ENOX1: variants seen among roughly 807,000 people sequenced by gnomAD.
ENOX1 encodes candidate growth-related and time keeping constitutive hydroquinone (NADH) oxidase.
Under a neutral mutation model 82.5 loss-of-function variants are expected in ENOX1, and 42 were observed. The ratio of observed to expected loss-of-function variants is 0.51; its 90% CI spans 0.40 to 0.66. The LOEUF is 0.66. Ranked by LOEUF, ENOX1 falls within the 30% of genes least tolerant of loss-of-function variation. The pLI, the probability that ENOX1 is intolerant of heterozygous loss-of-function variation, is 0.00. For missense variants in ENOX1, 608 were observed against 811.6 expected (o/e 0.75, Z 3.05); for synonymous variants, 271 against 282.2 (o/e 0.96, Z 0.40).
At chr13:43,385,089 G>C (rs1165924474) in intron 5 of ENOX1, among the ~76,000 whole-genome samples, 1 of 152,094 alleles carries the variant, frequency 6.6e-6, no homozygotes, top group Non-Finnish European at 1.5e-5. Context: ...CCCGCTTTCT[G>C]GATGGCAGGG....
At chr13:43,719,346 CA>C (rs1157065648) in intron 1 of ENOX1, among the ~76,000 whole-genome samples, 1 of 149,982 alleles carries the variant, frequency 6.7e-6, no homozygotes, top group East Asian at 2.0e-4. Context: ...CACACACACA[CA>C]CCAGCAATCG....
chr13:43,738,371 A>G (rs1177809347), intron 1 of ENOX1, among the ~76,000 whole-genome samples: 1 of 152,220 alleles, frequency 6.6e-6, no homozygotes, highest in East Asian at 1.9e-4. Flanking sequence ...AACATATTAT[A>G]TTGAAAACAT....
At chr13:43,416,224 T>C (rs1453163194) in intron 3 of ENOX1, among the ~76,000 whole-genome samples, 72 of 77,694 alleles carry the variant, frequency 9.3e-4, no homozygotes, top group South Asian at 2.4e-3. Context: ...GAGGCGCTCC[T>C]CACTTCCCAG....
chr13:43,771,487 CTTAA>C (rs968163118), intron 1 of ENOX1, among the ~76,000 whole-genome samples: 46 of 152,112 alleles, frequency 3.0e-4, no homozygotes, highest in African/African-American at 9.4e-4. Flanking sequence ...ACAATTATAA[CTTAA>C]TTAATTAAGT....
chr13:43,781,714 T>C (rs1952275285), intron 1 of ENOX1, among the ~76,000 whole-genome samples: 1 of 152,200 alleles, frequency 6.6e-6, no homozygotes, highest in Non-Finnish European at 1.5e-5. Context: ...TTTCTCCATG[T>C]TGGTCAGGCT....
intron 1 of ENOX1, among the ~76,000 whole-genome samples, chr13:43,720,674 G>T (rs1179234709): frequency 1.3e-5 from 2 of 152,090 alleles, no homozygotes; most frequent in East Asian, 3.9e-4. Flanking sequence ...AAGCCTGATG[G>T]GACACTAGAG....
At position 43,517,733 on chromosome 13, in the gene ENOX1, C is replaced by G. The variant is rs892104064; in HGVS notation, c.-218-33581G>C. On this transcript the variant is annotated intron_variant, in intron 2 of 16. Coordinates refer to ENST00000690772, the MANE Select transcript of ENOX1 (RefSeq NM_001347969.2). ...CAAAATTCATATGTTGAAATCCTAA[C>G]CTCCAAGGTGATGTTATTCAGTGGT... Among the ~76,000 whole-genome samples, 70 of 152,214 alleles carry G rather than the reference C, an allele frequency of 4.6e-4. 1 individual carries two copies. Among genetic ancestry groups the G allele is most frequent in the Admixed American group, 2.0e-3 (31 of 15,290 alleles).
chr13:43,638,668 C>T (rs1395642549), intron 2 of ENOX1, among the ~76,000 whole-genome samples: 2 of 152,140 alleles, frequency 1.3e-5, no homozygotes, highest in African/African-American at 2.4e-5. Context: ...ATTTTATTCT[C>T]CAAGGCTGTT....
intron 2 of ENOX1, 31 bp downstream of exon 2, chr13:43,667,448 G>C: frequency 1.0e-6 from 1 of 985,408 alleles, no homozygotes; most frequent in East Asian, 1.1e-4. Flanking sequence ...CAACCTGCTT[G>C]TTATTTGTGG....
At chr13:43,492,656 C>T (rs759294520) in intron 2 of ENOX1, among the ~76,000 whole-genome samples, 7 of 152,092 alleles carry the variant, frequency 4.6e-5, no homozygotes, top group Non-Finnish European at 1.0e-4. Flanking sequence ...TTTATTTTAC[C>T]TTAGCATTTT....
At chr13:43,617,185 G>A (rs887863669) in intron 2 of ENOX1, among the ~76,000 whole-genome samples, 5 of 152,122 alleles carry the variant, frequency 3.3e-5, no homozygotes, top group Non-Finnish European at 5.9e-5. Context: ...AATGTATTCC[G>A]TATGTATGGT....
intron 2 of ENOX1, among the ~76,000 whole-genome samples, chr13:43,495,047 A>G (rs1219595490): frequency 6.6e-6 from 1 of 152,168 alleles, no homozygotes; most frequent in Non-Finnish European, 1.5e-5. Context: ...GTATAAAATG[A>G]TAGTGACTTT....
chr13:43,551,043 G>T (rs1212321945), intron 2 of ENOX1, among the ~76,000 whole-genome samples: 2 of 151,992 alleles, frequency 1.3e-5, no homozygotes, highest in African/African-American at 2.4e-5. Flanking sequence ...CAAGAGACAA[G>T]TATTTTTTTT....
At chr13:43,770,295 T>C (rs1253421505) in intron 1 of ENOX1, among the ~76,000 whole-genome samples, 2 of 152,160 alleles carry the variant, frequency 1.3e-5, no homozygotes. Flanking sequence ...ATGGTGTAAG[T>C]AGAAGGAGTA....
At chr13:43,744,028 C>A (rs942305607) in intron 1 of ENOX1, among the ~76,000 whole-genome samples, 10 of 152,166 alleles carry the variant, frequency 6.6e-5, no homozygotes, top group Admixed American at 1.3e-4. Flanking sequence ...GATCTAATCA[C>A]CTCTTAAAGA....
At chr13:43,255,703 T>G (rs1380725077) in intron 14 of ENOX1, among the ~76,000 whole-genome samples, 11 of 152,016 alleles carry the variant, frequency 7.2e-5, no homozygotes, top group Admixed American at 5.9e-4. Context: ...TGCCTAGGAA[T>G]AAGTTTAAGT....
chr13:43,469,679 G>A (rs573490691), intron 3 of ENOX1, among the ~76,000 whole-genome samples: 18 of 152,056 alleles, frequency 1.2e-4, no homozygotes, highest in African/African-American at 4.1e-4. Flanking sequence ...TTGGTGAGAA[G>A]TCAATTCTTC....
chr13:43,388,115 A>G (rs2052544311), intron 5 of ENOX1, among the ~76,000 whole-genome samples: 1 of 152,252 alleles, frequency 6.6e-6, no homozygotes, highest in African/African-American at 2.4e-5. Flanking sequence ...AGACAGAGTC[A>G]GTAACAACAA....
chr13:43,335,783 A>T (rs1277046894), intron 9 of ENOX1, among the ~76,000 whole-genome samples: 1 of 147,838 alleles, frequency 6.8e-6, no homozygotes, highest in African/African-American at 2.4e-5. Context: ...AAAAAAAAAA[A>T]GAAAAGAAAA....
Sources: gnomAD v4.1 joint callset for allele counts (sites outside exome capture counted in the v4.1 genomes callset) on GRCh38, gnomAD v4.1.1 for gene constraint, MANE v1.5 for transcripts, NCBI Gene and HGNC (gene_info 2026-07-23, HGNC 2026-07-21) for gene names.